The following AGBL4 variants were observed in gnomAD, a reference collection of about 807,000 sequenced individuals.
AGBL4 encodes cytosolic carboxypeptidase 6.
In AGBL4, 58 loss-of-function variants were observed where a neutral mutation model predicts 66.4. That is an observed-to-expected ratio of 0.87 (90% CI 0.71 to 1.09). AGBL4 has a LOEUF of 1.09. AGBL4 is among the 50% of genes least tolerant of loss of function. The pLI, the probability that AGBL4 is intolerant of heterozygous loss-of-function variation, is 0.00. For synonymous variants in AGBL4, 234 were observed against 222.9 expected (o/e 1.05, Z -0.44); for missense variants, 579 against 631.0 (o/e 0.92, Z 0.88).
chr1:49,802,164 T>A (rs912377545), intron 2 of AGBL4, among the ~76,000 whole-genome samples: 1 of 151,306 alleles, frequency 6.6e-6, no homozygotes, highest in Non-Finnish European at 1.5e-5. Flanking sequence ...AGTCAGGGAG[T>A]TTTCACATCA....
intron 1 of AGBL4, among the ~76,000 whole-genome samples, chr1:49,989,864 C>T (rs1001916696): frequency 6.6e-6 from 1 of 152,150 alleles, no homozygotes; most frequent in African/African-American, 2.4e-5. Flanking sequence ...AGTAGCTGTA[C>T]AGTATAAAAT....
intron 3 of AGBL4, among the ~76,000 whole-genome samples, chr1:49,379,049 GC>G (rs1233702731): frequency 6.6e-6 from 1 of 152,066 alleles, no homozygotes; most frequent in African/African-American, 2.4e-5. Context: ...AATGTGGTAG[GC>G]CTATGAAGAC....
chr1:49,557,770 AAGCACCTGACATAGTG>A (rs1317002195), intron 3 of AGBL4, among the ~76,000 whole-genome samples: 10 of 151,954 alleles, frequency 6.6e-5, no homozygotes, highest in Non-Finnish European at 1.5e-5. Context: ...TGAACTGGGG[AAGCACCTGACATAGTG>A]AGACATCAGC....
chr1:49,470,612 T>C (rs1646722604), intron 3 of AGBL4, among the ~76,000 whole-genome samples: 1 of 152,002 alleles, frequency 6.6e-6, no homozygotes, highest in African/African-American at 2.4e-5. Context: ...TAGCTTTCCA[T>C]AAGACATGCC....
At chr1:49,610,168 T>C (rs1645129492) in intron 3 of AGBL4, among the ~76,000 whole-genome samples, 3 of 152,100 alleles carry the variant, frequency 2.0e-5, no homozygotes, top group Admixed American at 2.0e-4. Flanking sequence ...ATTCCTCATG[T>C]GAAGGAGGAA....
intron 3 of AGBL4, among the ~76,000 whole-genome samples, chr1:49,383,858 G>T (rs996089152): frequency 6.6e-6 from 1 of 151,784 alleles, no homozygotes; most frequent in Non-Finnish European, 1.5e-5. Context: ...GTACAGTGGC[G>T]TGATCTTGGC....
chr1:48,726,282 G>A (rs4926748), intron 6 of AGBL4, among the ~76,000 whole-genome samples: 128,320 of 152,218 alleles, frequency 0.84, 54,166 homozygotes, highest in Middle Eastern at 0.95. Context: ...AGAAATGCAG[G>A]GCCTCTGGGT....
chr1:48,711,858 G>A (rs1405129973), intron 6 of AGBL4, among the ~76,000 whole-genome samples: 1 of 152,066 alleles, frequency 6.6e-6, no homozygotes, highest in East Asian at 1.9e-4. Context: ...AGCCTGTCCT[G>A]TTCCAATCCT....
Position 49,673,689 on chromosome 1 carries a change from T to A in AGBL4, c.282+23624A>T, listed in dbSNP as rs1331164012. Reference sequence around the variant, plus strand: ...CTTTAATGTTTATTCGGTGAATATTTACAGAGCACTTAGTTTGTCTAGGTA... The same window carrying A: ...CTTTAATGTTTATTCGGTGAATATTAACAGAGCACTTAGTTTGTCTAGGTA... On this transcript the variant is annotated intron_variant, in intron 3 of 13. Coordinates refer to ENST00000371839, the MANE Select transcript of AGBL4 (RefSeq NM_032785.4). 4.6e-5 allele frequency among the ~76,000 whole-genome samples: 7 copies of A among 152,296 alleles called. No homozygotes were observed. In the South Asian group the frequency reaches 1.4e-3, roughly 32 times the overall value.
intron 1 of AGBL4, among the ~76,000 whole-genome samples, chr1:49,940,461 T>A (rs1193139908): frequency 2.0e-4 from 30 of 151,922 alleles, no homozygotes; most frequent in South Asian, 1.0e-3. Flanking sequence ...CAAATGTCCA[T>A]CAATGATAGA....
chr1:49,500,803 G>C (rs1648079766), intron 3 of AGBL4, among the ~76,000 whole-genome samples: 1 of 151,978 alleles, frequency 6.6e-6, no homozygotes, highest in Non-Finnish European at 1.5e-5. Flanking sequence ...GTTTGAAGTA[G>C]AATAATGTGA....
intron 6 of AGBL4, among the ~76,000 whole-genome samples, chr1:48,692,847 C>G (rs1029887506): frequency 5.9e-5 from 9 of 152,204 alleles, no homozygotes; most frequent in Admixed American, 6.5e-5. Context: ...TTATAATGCT[C>G]TCTGTAAGAA....
chr1:48,904,937 G>T (rs552477661), intron 5 of AGBL4, among the ~76,000 whole-genome samples: 96 of 151,946 alleles, frequency 6.3e-4, no homozygotes, highest in Non-Finnish European at 1.1e-3. Context: ...ACAGTCTGCA[G>T]TTGCAAGGCT....
At chr1:49,141,263 CATTT>C (rs561621797) in intron 4 of AGBL4, among the ~76,000 whole-genome samples, 127 of 152,148 alleles carry the variant, frequency 8.3e-4, no homozygotes, top group African/African-American at 2.9e-3. Context: ...TTCATTCATT[CATTT>C]ATTTATTTAT....
intron 1 of AGBL4, among the ~76,000 whole-genome samples, chr1:49,941,083 C>G (rs1654712255): frequency 6.6e-6 from 1 of 151,984 alleles, no homozygotes; most frequent in Non-Finnish European, 1.5e-5. Flanking sequence ...CTGGTAATCC[C>G]TAGACATATA....
intron 5 of AGBL4, among the ~76,000 whole-genome samples, chr1:48,886,847 A>G (rs1490046515): frequency 6.6e-6 from 1 of 152,146 alleles, no homozygotes. Context: ...CACCGCGCCC[A>G]GCCACGGTCA....
At position 48,568,761 on chromosome 1, in the gene AGBL4, C is replaced by G. The variant is rs533912001; in HGVS notation, c.1267+18243G>C. The stretch of plus-strand genomic sequence containing the variant: ...GTGAGTTTCAGCTCACGGGCTCCTC[C>G]TCTATGAAGTCATCCCTGTCTAAGG... On this transcript the variant is annotated intron_variant, in intron 11 of 13. Transcript: ENST00000371839. Among the ~76,000 whole-genome samples, 5 of 152,310 alleles carry G rather than the reference C, an allele frequency of 3.3e-5. No individual in the cohort carries two copies. In the South Asian group the frequency reaches 1.0e-3, roughly 32 times the overall value.
At chr1:49,213,682 C>A (rs1373151668) in intron 4 of AGBL4, among the ~76,000 whole-genome samples, 1 of 152,098 alleles carries the variant, frequency 6.6e-6, no homozygotes, top group Non-Finnish European at 1.5e-5. Flanking sequence ...TCAGATATTT[C>A]TTTATAACAA....
intron 2 of AGBL4, among the ~76,000 whole-genome samples, chr1:49,822,885 C>A (rs1286993011): frequency 6.6e-6 from 1 of 152,058 alleles, no homozygotes; most frequent in Non-Finnish European, 1.5e-5. Flanking sequence ...ATTTCTCAGT[C>A]CATTTGTGTC....
Sources: allele counts gnomAD v4.1 joint callset (sites outside exome capture counted in the v4.1 genomes callset), GRCh38; gene constraint gnomAD v4.1.1; transcripts MANE v1.5; gene names NCBI Gene and HGNC (gene_info 2026-07-23, HGNC 2026-07-21).